DPP4: variants seen among roughly 807,000 people sequenced by gnomAD.
DPP4 encodes dipeptidyl peptidase 4, also known as ADCP-2.
A neutral mutation model predicts 122.4 loss-of-function variants in DPP4; 93 were observed. The observed-to-expected ratio is 0.76, with a 90% confidence interval of 0.64 to 0.90. The LOEUF is 0.90. Ranked by LOEUF, DPP4 falls within the 40% of genes least tolerant of loss-of-function variation. The pLI is 0.00. For synonymous variants in DPP4, 321 were observed against 302.9 expected (o/e 1.06, Z -0.62); for missense variants, 914 against 907.3 (o/e 1.01, Z -0.09).
chr2:162,073,283 A>G, intron 2 of DPP4, 116 bp downstream of exon 2: 2 of 988,086 alleles, frequency 2.0e-6, no homozygotes, highest in South Asian at 1.4e-5. Context: ...CTTCTCAGCT[A>G]CACTTCGGGG....
intron 8 of DPP4, among the ~76,000 whole-genome samples, 172 bp from the exon 9 acceptor site, chr2:162,035,496 T>C (rs1683736200): frequency 6.6e-6 from 1 of 152,150 alleles, no homozygotes; most frequent in East Asian, 1.9e-4. Context: ...AAAAATAAAA[T>C]CTTCAAGGAT....
intron 19 of DPP4, among the ~76,000 whole-genome samples, chr2:162,013,030 G>A: frequency 6.6e-6 from 1 of 151,992 alleles, no homozygotes; most frequent in East Asian, 1.9e-4. Flanking sequence ...CATGTGAAAT[G>A]CCTTGCTCCT....
chr2:162,025,570 GGT>G (rs1349610808), intron 10 of DPP4, among the ~76,000 whole-genome samples: 1 of 152,010 alleles, frequency 6.6e-6, no homozygotes, highest in East Asian at 1.9e-4. Context: ...TGTAAACAGA[GGT>G]ATCTCTAGTA....
At chr2:162,015,608 A>G (rs1682881482) in intron 18 of DPP4, among the ~76,000 whole-genome samples, 1 of 152,036 alleles carries the variant, frequency 6.6e-6, no homozygotes, top group South Asian at 2.1e-4. Context: ...ACAGAGTCCC[A>G]CCTTCCCGGC....
intron 20 of DPP4, among the ~76,000 whole-genome samples, chr2:162,009,740 G>A (rs1701375124): frequency 6.6e-6 from 1 of 152,076 alleles, no homozygotes; most frequent in African/African-American, 2.4e-5. Context: ...GCTTAGAAAT[G>A]TCTCCGGGCC....
At chr2:162,058,556 C>T (rs1684654691) in intron 2 of DPP4, among the ~76,000 whole-genome samples, 1 of 152,182 alleles carries the variant, frequency 6.6e-6, no homozygotes, top group African/African-American at 2.4e-5. Flanking sequence ...TGAATAAACT[C>T]TATATTTAAT....
At chr2:161,994,313 T>C (rs1700938738) in intron 25 of DPP4, among the ~76,000 whole-genome samples, 1 of 152,236 alleles carries the variant, frequency 6.6e-6, no homozygotes, top group African/African-American at 2.4e-5. Context: ...AGAGGACACA[T>C]AAATACATAT....
At chr2:162,037,953 A>C (rs1386603123) in intron 8 of DPP4, among the ~76,000 whole-genome samples, 1 of 152,138 alleles carries the variant, frequency 6.6e-6, no homozygotes, top group East Asian at 1.9e-4. Flanking sequence ...TTTCCTTAGT[A>C]ACTTTCGGGT....
At chr2:162,011,542 C>T (rs1682706666) in intron 20 of DPP4, among the ~76,000 whole-genome samples, 1 of 152,006 alleles carries the variant, frequency 6.6e-6, no homozygotes, top group Non-Finnish European at 1.5e-5. Flanking sequence ...AGGACATATG[C>T]CAACTCCCTT....
At chr2:162,010,589 G>A (rs779305295) in intron 20 of DPP4, among the ~76,000 whole-genome samples, 1 of 152,040 alleles carries the variant, frequency 6.6e-6, no homozygotes, top group Non-Finnish European at 1.5e-5. Context: ...GTAATTTTAG[G>A]ACTTTTGTTG....
intron 5 of DPP4, among the ~76,000 whole-genome samples, chr2:162,044,446 G>C (rs1330923351): frequency 6.6e-6 from 1 of 151,466 alleles, no homozygotes; most frequent in Non-Finnish European, 1.5e-5. Context: ...GTTGGTGTGT[G>C]AGCGTTGGTG....
chr2:162,070,014 A>G (rs1355823104), intron 2 of DPP4, among the ~76,000 whole-genome samples: 1 of 152,244 alleles, frequency 6.6e-6, no homozygotes, highest in Non-Finnish European at 1.5e-5. Context: ...AATATAGTGT[A>G]AAAGAAAAAA....
chr2:162,012,779 A>G (rs913761495), intron 19 of DPP4, among the ~76,000 whole-genome samples: 1 of 151,780 alleles, frequency 6.6e-6, no homozygotes, highest in African/African-American at 2.4e-5. Context: ...CCATCTACAC[A>G]ACTCCTGGAC....
intron 18 of DPP4, 147 bp from the exon 19 acceptor site, chr2:162,014,612 A>G (rs1454446935): frequency 1.7e-6 from 1 of 595,908 alleles, no homozygotes; most frequent in Non-Finnish European, 3.0e-6. Flanking sequence ...GCTTGGATTC[A>G]GCACATTTTT....
intron 14 of DPP4, 59 bp downstream of exon 14, chr2:162,020,170 C>A: frequency 6.9e-7 from 1 of 1,440,654 alleles, no homozygotes; most frequent in Non-Finnish European, 9.6e-7. Context: ...TACTTCTGGG[C>A]AAAGAGGGCA....
chr2:161,996,812 G>C (rs1412760894), intron 23 of DPP4, among the ~76,000 whole-genome samples: 1 of 152,036 alleles, frequency 6.6e-6, no homozygotes, highest in Non-Finnish European at 1.5e-5. Flanking sequence ...TATATATGTA[G>C]AGGAAAAAAA....
chr2:162,025,446 C>T (rs1281636985), intron 10 of DPP4, among the ~76,000 whole-genome samples: 1 of 152,078 alleles, frequency 6.6e-6, no homozygotes, highest in Non-Finnish European at 1.5e-5. Context: ...TGACTCACAC[C>T]TCCAGAAACT....
At position 162,040,598 on chromosome 2, in the gene DPP4, A is replaced by G. The variant is rs193194240; in HGVS notation, c.367-1414T>C. 2.0e-3 allele frequency among the ~76,000 whole-genome samples: 300 copies of G among 152,122 alleles called. 1 individual carries two copies. The highest frequency in any genetic ancestry group is 6.9e-3 in the African/African-American group (288 of 41,548). On this transcript the variant is annotated intron_variant, in intron 5 of 25. Transcript: ENST00000360534. ...GGGGAAACACAGGGATTTTTAGCAC[A>G]GTCAAAGTCATCTGTATAATACTAT...
intron 5 of DPP4, 58 bp from the exon 6 acceptor site, chr2:162,039,242 C>G (rs1474482004): frequency 1.3e-5 from 18 of 1,352,608 alleles, no homozygotes; most frequent in Non-Finnish European, 1.9e-5. Flanking sequence ...TGGCCACTCA[C>G]TATAGGAGAC....
Sources: gnomAD v4.1 joint callset for allele counts (sites outside exome capture counted in the v4.1 genomes callset) on GRCh38, gnomAD v4.1.1 for gene constraint, MANE v1.5 for transcripts, NCBI Gene and HGNC (gene_info 2026-07-23, HGNC 2026-07-21) for gene names.